The following NCAM2 variants were observed in gnomAD, a reference collection of about 807,000 sequenced individuals.
NCAM2 encodes N-CAM-2.
NCAM2 carries 30 observed loss-of-function variants against 98.1 expected under a neutral mutation model. The observed-to-expected ratio is 0.31, with a 90% CI of 0.23 to 0.41. The LOEUF is 0.41. Ranked by LOEUF, NCAM2 falls within the 10% of genes least tolerant of loss-of-function variation. The pLI, the probability that NCAM2 is intolerant of heterozygous loss-of-function variation, is 1.00. For missense variants in NCAM2, 867 were observed against 1,005.8 expected (o/e 0.86, Z 1.87); for synonymous variants, 368 against 342.4 (o/e 1.07, Z -0.83).
At chr21:21,465,480 G>A (rs866508664) in intron 12 of NCAM2, among the ~76,000 whole-genome samples, 2 of 151,282 alleles carry the variant, frequency 1.3e-5, no homozygotes, top group African/African-American at 4.8e-5. Flanking sequence ...AGAATGGAAC[G>A]CAAGGAAGTA....
At chr21:21,153,746 A>G (rs990215588) in intron 1 of NCAM2, among the ~76,000 whole-genome samples, 1 of 151,872 alleles carries the variant, frequency 6.6e-6, no homozygotes. Flanking sequence ...AAGAGTATTG[A>G]ATGATGGAGC....
intron 8 of NCAM2, among the ~76,000 whole-genome samples, chr21:21,357,061 G>A (rs933571830): frequency 4.6e-5 from 7 of 151,876 alleles, no homozygotes; most frequent in Admixed American, 1.3e-4. Context: ...ATTTAAGAGG[G>A]GAGATGAAAC....
intron 5 of NCAM2, among the ~76,000 whole-genome samples, chr21:21,320,129 T>C (rs2074336773): frequency 6.6e-6 from 1 of 152,168 alleles, no homozygotes; most frequent in Non-Finnish European, 1.5e-5. Flanking sequence ...CTTTACTATA[T>C]TCACAAATTA....
chr21:21,538,652 C>G lies in NCAM2; in HGVS notation c.*695C>G, dbSNP rs1990109344. Reference sequence around the variant, plus strand: ...TAGATTAGAAAGACTTTCTAAATCTCTATCTCTTTATATATGTCCTATTCA... The same window carrying G: ...TAGATTAGAAAGACTTTCTAAATCTGTATCTCTTTATATATGTCCTATTCA... On this transcript the variant is annotated 3_prime_UTR_variant, in exon 18 of 18. Coordinates refer to ENST00000400546, the MANE Select transcript of NCAM2 (RefSeq NM_004540.5). 2 of 152,036 alleles carry G rather than the reference C, an allele frequency of 1.3e-5. No individual in the cohort carries two copies. Among genetic ancestry groups the G allele is most frequent in the African/African-American group, 4.8e-5 (2 of 41,386 alleles). 9.4% of individuals were successfully genotyped at this position (152,036 alleles called of 1,614,324 possible).
chr21:21,039,522 A>G (rs1187914318), intron 1 of NCAM2, among the ~76,000 whole-genome samples: 2 of 152,224 alleles, frequency 1.3e-5, no homozygotes, highest in African/African-American at 2.4e-5. Context: ...TGATTATTAC[A>G]CAGTCTATAC....
intron 9 of NCAM2, chr21:21,385,479 A>G: frequency 2.2e-6 from 1 of 445,414 alleles, no homozygotes; most frequent in Admixed American, 2.6e-5. Flanking sequence ...AATACTGCTA[A>G]GAGTGAGTAG....
Position 21,541,793 on chromosome 21 carries a change from G to T in NCAM2, c.*3836G>T, listed in dbSNP as rs891930097. 4.6e-4 allele frequency: 70 copies of T among 151,752 alleles called. 1 individual carries two copies. Among genetic ancestry groups the T allele is most frequent in the Middle Eastern group, 3.5e-3 (1 of 288 alleles). 9.4% of individuals were successfully genotyped at this position (151,752 alleles called of 1,614,324 possible). A position where few individuals can be genotyped will look rare whatever the true frequency, so the allele number is the denominator to read the frequency against. On this transcript the variant is annotated 3_prime_UTR_variant, in exon 18 of 18. Coordinates refer to ENST00000400546, the MANE Select transcript of NCAM2 (RefSeq NM_004540.5). ...AATGTTGTTTTTCACAGAAAATAAG[G>T]TAAACATTCAACTTAAATCCCCCAT... is the stretch of plus-strand genomic sequence containing the variant.
At chr21:21,088,576 A>C (rs769408800) in intron 1 of NCAM2, among the ~76,000 whole-genome samples, 6 of 152,202 alleles carry the variant, frequency 3.9e-5, no homozygotes, top group Non-Finnish European at 5.9e-5. Flanking sequence ...GACAAATTTC[A>C]TATAGACGTG....
At chr21:21,532,010 T>C (rs979997134) in intron 16 of NCAM2, among the ~76,000 whole-genome samples, 24 of 151,044 alleles carry the variant, frequency 1.6e-4, no homozygotes, top group African/African-American at 5.3e-4. Context: ...AAGAAAAATA[T>C]TATATATATA....
intron 8 of NCAM2, among the ~76,000 whole-genome samples, chr21:21,355,647 G>C (rs548867626): frequency 6.6e-6 from 1 of 151,170 alleles, no homozygotes; most frequent in Non-Finnish European, 1.5e-5. Flanking sequence ...GCGGAGTCTC[G>C]CTCTGTCACC....
At chr21:21,074,349 A>T (rs2065634653) in intron 1 of NCAM2, among the ~76,000 whole-genome samples, 2 of 151,650 alleles carry the variant, frequency 1.3e-5, no homozygotes, top group Admixed American at 1.3e-4. Flanking sequence ...ATTAGCATTT[A>T]TTACATTTAT....
At chr21:21,290,930 C>G (rs2073268229) in intron 4 of NCAM2, among the ~76,000 whole-genome samples, 1 of 151,836 alleles carries the variant, frequency 6.6e-6, no homozygotes, top group Admixed American at 6.6e-5. Context: ...CTACCATATC[C>G]TTTCCACGAT....
chr21:21,344,436 C>T (rs371498531), intron 8 of NCAM2, among the ~76,000 whole-genome samples: 35 of 152,214 alleles, frequency 2.3e-4, no homozygotes, highest in African/African-American at 8.4e-4. Context: ...CAGCATTCAC[C>T]ACAAGCTAAC....
chr21:21,006,335 C>A (rs1231942788), intron 1 of NCAM2, among the ~76,000 whole-genome samples: 1 of 152,046 alleles, frequency 6.6e-6, no homozygotes, highest in African/African-American at 2.4e-5. Context: ...GGCAAATCTC[C>A]GTCTTTACCA....
chr21:21,193,405 T>A (rs1201769423), intron 1 of NCAM2, among the ~76,000 whole-genome samples: 1 of 151,544 alleles, frequency 6.6e-6, no homozygotes, highest in Non-Finnish European at 1.5e-5. Flanking sequence ...GTTCTGGGAA[T>A]AATTGTGGTC....
chr21:21,405,234 A>G (rs1178243045), intron 9 of NCAM2, among the ~76,000 whole-genome samples: 3 of 152,076 alleles, frequency 2.0e-5, no homozygotes, highest in Non-Finnish European at 2.9e-5. Flanking sequence ...GATTTAATAG[A>G]GGCTGAATAT....
intron 8 of NCAM2, among the ~76,000 whole-genome samples, chr21:21,341,711 T>C (rs1009976593): frequency 2.0e-5 from 3 of 151,024 alleles, no homozygotes; most frequent in Admixed American, 2.0e-4. Flanking sequence ...CAATATTCTT[T>C]TTTTTTTTTT....
At chr21:21,029,030 T>C (rs777335286) in intron 1 of NCAM2, among the ~76,000 whole-genome samples, 15 of 152,202 alleles carry the variant, frequency 9.9e-5, no homozygotes, top group Non-Finnish European at 1.9e-4. Context: ...GTTTTTAAAC[T>C]ATCTTGAAAT....
intron 1 of NCAM2, among the ~76,000 whole-genome samples, chr21:21,017,298 T>TGC (rs2095812247): frequency 1.3e-5 from 2 of 151,758 alleles, no homozygotes; most frequent in Non-Finnish European, 2.9e-5. Flanking sequence ...TGGTGGTACA[T>TGC]GCCTGTTGTC....
Sources: gnomAD v4.1 joint callset for allele counts (sites outside exome capture counted in the v4.1 genomes callset) on GRCh38, gnomAD v4.1.1 for gene constraint, MANE v1.5 for transcripts, NCBI Gene and HGNC (gene_info 2026-07-23, HGNC 2026-07-21) for gene names.